NBAS: variants seen among roughly 807,000 people sequenced by gnomAD.
The protein encoded by NBAS is NAG/BC035112 fusion.
In NBAS, 219 loss-of-function variants were observed where a neutral mutation model predicts 302.5. That is an observed-to-expected ratio of 0.72 (90% CI 0.65 to 0.81). NBAS has a LOEUF of 0.81. NBAS is among the 30% of genes least tolerant of loss of function. NBAS has a pLI of 0.00. For missense variants in NBAS, 2,932 were observed against 2,841.6 expected (o/e 1.03, Z -0.72); for synonymous variants, 1,118 against 1,021.6 (o/e 1.09, Z -1.80).
the NBAS span, among the ~76,000 whole-genome samples, chr2:14,786,171 C>A: frequency 6.6e-6 from 1 of 151,944 alleles, no homozygotes; most frequent in Non-Finnish European, 1.5e-5. Flanking sequence ...GGTGATATCC[C>A]CTTTATCATT....
Position 15,292,689 on chromosome 2 carries a change from A to G in NBAS, c.4875T>C (p.Leu1625=). Residue 1625 remains leucine (L), a synonymous_variant, in exon 41 of 52, where the codon CTT becomes CTC. Transcript: ENST00000281513. ...AGTGTAACTGCTTGGTCAGTGAAAT[A>G]AGGTCTTCAGGCCAGGCTTCGTGCT... ...RHEHEAWPED[L]ISLTKQLHCY... is the part of the protein sequence containing the mutation. 1 of 1,614,208 alleles carries G rather than the reference A, an allele frequency of 6.2e-7. No individual in the cohort carries two copies. Among genetic ancestry groups the G allele is most frequent in the Non-Finnish European group, 8.5e-7 (1 of 1,180,044 alleles).
intron 23 of NBAS, among the ~76,000 whole-genome samples, chr2:15,418,218 C>A (rs1389534834): frequency 3.9e-5 from 6 of 152,170 alleles, no homozygotes. Context: ...TGCTGAATAA[C>A]TATGTTACAA....
At chr2:15,201,853 C>T (rs1367009058) in intron 48 of NBAS, among the ~76,000 whole-genome samples, 1 of 152,166 alleles carries the variant, frequency 6.6e-6, no homozygotes, top group Non-Finnish European at 1.5e-5. Context: ...TTTGCTGAGA[C>T]AGTCTGAAGG....
chr2:15,426,567 T>C (rs1473172727), intron 22 of NBAS, among the ~76,000 whole-genome samples: 1 of 152,216 alleles, frequency 6.6e-6, no homozygotes, highest in Non-Finnish European at 1.5e-5. Flanking sequence ...CTAATTTTTA[T>C]GTACCAACTA....
At chr2:15,552,178 A>C (rs1443883958) in intron 5 of NBAS, among the ~76,000 whole-genome samples, 1 of 152,218 alleles carries the variant, frequency 6.6e-6, no homozygotes, top group East Asian at 1.9e-4. Flanking sequence ...TATTTCTATA[A>C]AGTTATCCCC....
chr2:15,240,665 T>A (rs1667829332), intron 44 of NBAS, among the ~76,000 whole-genome samples: 1 of 151,974 alleles, frequency 6.6e-6, no homozygotes, highest in Non-Finnish European at 1.5e-5. Flanking sequence ...CCTAATCCTA[T>A]ATAAATATTG....
At chr2:15,025,190 C>A in the NBAS span, among the ~76,000 whole-genome samples, 3 of 152,174 alleles carry the variant, frequency 2.0e-5, no homozygotes, top group East Asian at 3.8e-4. Context: ...TATAGCTAGC[C>A]AGTTATCCCA....
At chr2:15,211,475 T>A (rs1477983635) in intron 48 of NBAS, among the ~76,000 whole-genome samples, 1 of 152,234 alleles carries the variant, frequency 6.6e-6, no homozygotes, top group African/African-American at 2.4e-5. Flanking sequence ...TTTATGCAAC[T>A]TTTTTGTAAA....
chr2:14,884,609 T>C, the NBAS span, among the ~76,000 whole-genome samples: 1 of 152,170 alleles, frequency 6.6e-6, no homozygotes, highest in Non-Finnish European at 1.5e-5. Context: ...TTGTATTCAC[T>C]ACCTACTATG....
the NBAS span, among the ~76,000 whole-genome samples, chr2:14,845,696 T>A: frequency 1.3e-5 from 2 of 152,016 alleles, no homozygotes; most frequent in Non-Finnish European, 1.5e-5. Context: ...ATCAGATAAA[T>A]TGAAAAAGGA....
rs373473579 is a variant in NBAS at position 15,444,457 on chromosome 2, G to A, written c.2340-16663C>T. Among the ~76,000 whole-genome samples, 1,453 of 151,204 alleles carry A rather than the reference G, an allele frequency of 9.6e-3. 18 individuals are homozygous for A. The highest frequency in any genetic ancestry group is 0.043 in the East Asian group (216 of 4,996). Reference sequence around the variant, plus strand: ...GGGAAAACTGGCTAGCCATATGTAGGAAGCTGAAACTGGATCCCTTCCTTA... The same window carrying A: ...GGGAAAACTGGCTAGCCATATGTAGAAAGCTGAAACTGGATCCCTTCCTTA... On this transcript the variant is annotated intron_variant, in intron 21 of 51. Transcript: ENST00000281513.
At chr2:14,786,148 C>T in the NBAS span, among the ~76,000 whole-genome samples, 2 of 152,146 alleles carry the variant, frequency 1.3e-5, no homozygotes, top group Non-Finnish European at 2.9e-5. Flanking sequence ...GTTTGTATTT[C>T]TGTGGGATTG....
chr2:14,996,525 C>T, the NBAS span, among the ~76,000 whole-genome samples: 5 of 152,296 alleles, frequency 3.3e-5, no homozygotes, highest in East Asian at 7.7e-4. Context: ...CCTTGCCCAC[C>T]TGCCCATGTC....
At chr2:14,819,299 T>A in the NBAS span, among the ~76,000 whole-genome samples, 6 of 152,208 alleles carry the variant, frequency 3.9e-5, no homozygotes, top group African/African-American at 1.4e-4. Flanking sequence ...CTACTCTGAC[T>A]ATAGAACCCT....
the NBAS span, among the ~76,000 whole-genome samples, chr2:15,041,510 G>A: frequency 6.6e-6 from 1 of 152,250 alleles, no homozygotes; most frequent in South Asian, 2.1e-4. Flanking sequence ...GTCCCCAAGG[G>A]GGAGAGTGGC....
intron 6 of NBAS, among the ~76,000 whole-genome samples, chr2:15,539,778 T>G (rs528512402): frequency 2.0e-5 from 3 of 152,198 alleles, no homozygotes; most frequent in East Asian, 1.9e-4. Flanking sequence ...ATCTTTTAAA[T>G]ACATCAAATA....
rs7585844 is a variant in NBAS at position 15,319,799 on chromosome 2, G to A, written c.4582+7951C>T. Among the ~76,000 whole-genome samples, 1,449 of 152,176 alleles carry A rather than the reference G, an allele frequency of 9.5e-3. 13 individuals carry two copies. Among genetic ancestry groups the A allele is most frequent in the Non-Finnish European group, 0.017 (1,130 of 67,996 alleles). ...AGTCCAGAACCAGAGATTCACAGCC[G>A]AATTCTTCCAGAGGTACAGAGAGGA... On this transcript the variant is annotated intron_variant, in intron 38 of 51. Coordinates refer to ENST00000281513, the MANE Select transcript of NBAS (RefSeq NM_015909.4).
At chr2:15,283,778 C>A (rs887980651) in intron 42 of NBAS, among the ~76,000 whole-genome samples, 1 of 152,140 alleles carries the variant, frequency 6.6e-6, no homozygotes, top group Non-Finnish European at 1.5e-5. Flanking sequence ...CAGAAAACAG[C>A]GACTCGAAAG....
the NBAS span, among the ~76,000 whole-genome samples, chr2:14,842,846 C>CAAAAAAAAAAAAAAAAAAAAAA: frequency 1.4e-5 from 1 of 74,070 alleles, no homozygotes; most frequent in South Asian, 4.6e-4. Context: ...CAGAAAATGA[C>CAAAAAAAAAAAAAAAAAAAAAA]AAAAAAAAAA....
Sources: allele counts gnomAD v4.1 joint callset (sites outside exome capture counted in the v4.1 genomes callset), GRCh38; gene constraint gnomAD v4.1.1; transcripts MANE v1.5; gene names NCBI Gene and HGNC (gene_info 2026-07-23, HGNC 2026-07-21).